Variants in KLRG2 observed in about 807,000 individuals in gnomAD.
KLRG2 encodes the protein killer cell lectin-like receptor subfamily G member 2.
A neutral mutation model predicts 35.4 loss-of-function variants in KLRG2; 39 were observed. That is an observed-to-expected ratio of 1.10 (90% CI 0.85 to 1.44). The LOEUF (loss-of-function observed/expected upper bound fraction) is 1.44, where lower values mean the gene tolerates loss of function less well. KLRG2 is among the 40% of genes most tolerant of loss of function. The probability of loss-of-function intolerance (pLI) is 0.00; values close to 1 mark genes in which losing one functional copy is unlikely to be tolerated. For missense variants in KLRG2, 632 were observed against 570.9 expected (o/e 1.11, Z -1.09); for synonymous variants, 283 against 265.8 (o/e 1.06, Z -0.63).
rs1271874500 is a variant in KLRG2 at position 139,483,545 on chromosome 7, T to TG, written c.97dup (p.Gln33ProfsTer10). 2 of 1,598,762 alleles carry TG rather than the reference T, an allele frequency of 1.3e-6. No individual in the cohort carries two copies. Among genetic ancestry groups the TG allele is most frequent in the Admixed American group, 3.3e-5 (2 of 59,834 alleles). On this transcript the variant is annotated frameshift_variant, in exon 1 of 5. Transcript: ENST00000340940. LOFTEE classifies it high-confidence loss of function. ...AGGTTGTCGCACCTTCGCGGGCACC[T>TG]GCGGCTGCTCCAGCGTGGGGACCAG...
chr7:139,480,296 C>A (rs768614807), intron 1 of KLRG2, 49 bp from the exon 2 acceptor site: 39 of 1,038,610 alleles, frequency 3.8e-5, no homozygotes, highest in Non-Finnish European at 4.9e-5. Flanking sequence ...ACCATCCCAA[C>A]CAACCCAACT....
chr7:139,445,977 A>G, the KLRG2 span, among the ~76,000 whole-genome samples: 1 of 151,006 alleles, frequency 6.6e-6, no homozygotes. Flanking sequence ...GATTGCAGGC[A>G]CACACCACCA....
the KLRG2 span, among the ~76,000 whole-genome samples, chr7:139,432,938 T>C: frequency 2.0e-5 from 3 of 152,132 alleles, no homozygotes; most frequent in Non-Finnish European, 4.4e-5. Context: ...CAGATCAAGA[T>C]ACGGACCATT....
chr7:139,465,691 C>CAAAAAA (rs573464243), intron 3 of KLRG2, among the ~76,000 whole-genome samples: 5 of 95,252 alleles, frequency 5.2e-5, no homozygotes, highest in African/African-American at 1.5e-4. Flanking sequence ...GACTCTGTCT[C>CAAAAAA]AAAAAAAAAA....
At chr7:139,454,514 G>T (rs73154198) in intron 3 of KLRG2, among the ~76,000 whole-genome samples, 1 of 151,994 alleles carries the variant, frequency 6.6e-6, no homozygotes, top group African/African-American at 2.4e-5. Flanking sequence ...AAACAAGGAA[G>T]CTCAGAAAGC....
At chr7:139,445,267 A>G in the KLRG2 span, among the ~76,000 whole-genome samples, 164 of 152,172 alleles carry the variant, frequency 1.1e-3, no homozygotes, top group African/African-American at 3.8e-3. Context: ...TTTTCAGTAG[A>G]GACGGGGTTT....
At chr7:139,466,720 G>A (rs868748425) in intron 3 of KLRG2, among the ~76,000 whole-genome samples, 4 of 145,236 alleles carry the variant, frequency 2.8e-5, no homozygotes, top group East Asian at 2.0e-4. Flanking sequence ...CCGAGGCCTC[G>A]ACTTACTCAC....
the KLRG2 span, among the ~76,000 whole-genome samples, chr7:139,427,754 T>A: frequency 1.3e-5 from 2 of 152,148 alleles, no homozygotes; most frequent in African/African-American, 4.8e-5. Flanking sequence ...AACCTTTTTC[T>A]CACATCTCTG....
intron 3 of KLRG2, among the ~76,000 whole-genome samples, chr7:139,478,821 C>T (rs963372022): frequency 2.6e-5 from 4 of 152,288 alleles, no homozygotes; most frequent in African/African-American, 9.6e-5. Context: ...ATATTCTACA[C>T]AGACCCAACC....
chr7:139,445,541 G>A, the KLRG2 span, among the ~76,000 whole-genome samples: 1 of 151,840 alleles, frequency 6.6e-6, no homozygotes, highest in East Asian at 1.9e-4. Context: ...AACAGCTAGA[G>A]GGGAGTGAGT....
intron 3 of KLRG2, among the ~76,000 whole-genome samples, chr7:139,479,142 G>A (rs1472000518): frequency 2.0e-5 from 3 of 152,178 alleles, no homozygotes; most frequent in South Asian, 2.1e-4. Context: ...GAGTGCAGTG[G>A]AGTGATCTCG....
intron 3 of KLRG2, among the ~76,000 whole-genome samples, chr7:139,458,320 C>G (rs12112235): frequency 0.15 from 22,988 of 151,654 alleles, 1,900 homozygotes; most frequent in Middle Eastern, 0.2. Context: ...CGAGGCTGCA[C>G]TGAGCCATGA....
At chr7:139,433,707 G>A in the KLRG2 span, among the ~76,000 whole-genome samples, 12 of 145,552 alleles carry the variant, frequency 8.2e-5, no homozygotes, top group Non-Finnish European at 1.5e-4. Flanking sequence ...CCTCACTGCC[G>A]AGAATGCAAC....
chr7:139,481,824 G>T (rs1448225640), intron 1 of KLRG2, among the ~76,000 whole-genome samples: 1 of 152,078 alleles, frequency 6.6e-6, no homozygotes, highest in Non-Finnish European at 1.5e-5. Context: ...CTCGGGAGGA[G>T]GCTGAGGCAG....
At chr7:139,458,642 A>C (rs1796517284) in intron 3 of KLRG2, among the ~76,000 whole-genome samples, 1 of 152,164 alleles carries the variant, frequency 6.6e-6, no homozygotes, top group Non-Finnish European at 1.5e-5. Flanking sequence ...GTTTCAAATT[A>C]CTTTTCTTAA....
the KLRG2 span, among the ~76,000 whole-genome samples, chr7:139,431,420 CTTTT>C: frequency 1.3e-5 from 2 of 148,394 alleles, no homozygotes; most frequent in Non-Finnish European, 3.0e-5. Context: ...AATATATACA[CTTTT>C]TTTTTTTTCC....
chr7:139,468,690 T>C (rs1335474747), intron 3 of KLRG2, among the ~76,000 whole-genome samples: 1 of 152,206 alleles, frequency 6.6e-6, no homozygotes, highest in East Asian at 1.9e-4. Flanking sequence ...ATAAAACAAT[T>C]TGACACAAAT....
the KLRG2 span, among the ~76,000 whole-genome samples, chr7:139,434,694 TAC>T: frequency 6.6e-6 from 1 of 152,216 alleles, no homozygotes; most frequent in Admixed American, 6.5e-5. Context: ...GCTGTGTTCT[TAC>T]AGGGGAAGTC....
chr7:139,428,271 G>A, the KLRG2 span, among the ~76,000 whole-genome samples: 1 of 152,024 alleles, frequency 6.6e-6, no homozygotes, highest in Admixed American at 6.6e-5. Context: ...TTTCAGACAG[G>A]GTCTCACCAT....
Sources: allele counts gnomAD v4.1 joint callset (sites outside exome capture counted in the v4.1 genomes callset), GRCh38; gene constraint gnomAD v4.1.1; transcripts MANE v1.5; gene names NCBI Gene and HGNC (gene_info 2026-07-23, HGNC 2026-07-21).